The following ZFYVE28 variants were observed in gnomAD, a reference collection of about 807,000 sequenced individuals.
The protein encoded by ZFYVE28 is lateral signaling target protein 2 homolog.
A neutral mutation model predicts 82.1 loss-of-function variants in ZFYVE28; 40 were observed. The observed-to-expected ratio is 0.49, with a 90% CI of 0.38 to 0.63. The LOEUF (loss-of-function observed/expected upper bound fraction) is 0.63. ZFYVE28 is among the 30% of genes least tolerant of loss of function. ZFYVE28 has a pLI of 0.00. For missense variants in ZFYVE28, 1,321 were observed against 1,242.1 expected, an observed-to-expected ratio of 1.06 and a Z score of -0.96; for synonymous variants, 612 against 546.1, an observed-to-expected ratio of 1.12 and a Z score of -1.68.
chr4:2,338,554 C>A (rs7668325), intron 4 of ZFYVE28, among the ~76,000 whole-genome samples: 1 of 151,760 alleles, frequency 6.6e-6, no homozygotes, highest in Non-Finnish European at 1.5e-5. Flanking sequence ...GATCGTGCCA[C>A]TGCACTCCAG....
chr4:2,337,580 A>C, intron 4 of ZFYVE28, 84 bp from the exon 5 acceptor site: 4 of 1,111,240 alleles, frequency 3.6e-6, no homozygotes, highest in African/African-American at 1.6e-5. Flanking sequence ...TCTTCAATTA[A>C]AGCTGCAATG....
intron 1 of ZFYVE28, among the ~76,000 whole-genome samples, chr4:2,374,587 C>T (rs1727913645): frequency 6.6e-6 from 1 of 152,152 alleles, no homozygotes; most frequent in African/African-American, 2.4e-5. Context: ...GCACTCCAGC[C>T]TGGGCGACAG....
At chr4:2,380,909 G>A (rs1220618077) in intron 1 of ZFYVE28, among the ~76,000 whole-genome samples, 2 of 152,192 alleles carry the variant, frequency 1.3e-5, no homozygotes, top group Non-Finnish European at 2.9e-5. Flanking sequence ...TCAGCAGGGT[G>A]AAAATGGACT....
Position 2,417,434 on chromosome 4 carries a change from G to A in ZFYVE28, c.39+851C>T, listed in dbSNP as rs1288560827. Among the ~76,000 whole-genome samples, 2 of 150,388 alleles carry A rather than the reference G, an allele frequency of 1.3e-5. No homozygotes were observed. The highest frequency in any genetic ancestry group is 3.0e-5 in the Non-Finnish European group (2 of 67,438). ...CGCCCGCAGTGCGACTGGCGCAGCC[G>A]CTGAGGCACGGGGCGCGCCGCCCGG... is the stretch of plus-strand genomic sequence containing the variant. On this transcript the variant is annotated intron_variant, in intron 1 of 12. Coordinates refer to ENST00000290974, the MANE Select transcript of ZFYVE28 (RefSeq NM_020972.3). This position sits in a 1 kb window ranked among gnomAD's most constrained non-coding sequence, Gnocchi z 4.8.
At position 2,270,239 on chromosome 4, in the gene ZFYVE28, G is replaced by A. The variant is rs992879231; in HGVS notation, c.*486C>T. 6 of 168,316 alleles carry A rather than the reference G, an allele frequency of 3.6e-5. No individual in the cohort carries two copies. The highest frequency in any genetic ancestry group is 6.4e-5 in the Non-Finnish European group (5 of 77,780). 10.4% of individuals were successfully genotyped at this position (168,316 alleles called of 1,614,324 possible). ...CTGGGGAACGAGGTGGGCAGCTGATGGGGAGAATGGGTAGCCTGCATTTGA... is the reference window on the plus strand; with the variant it reads ...CTGGGGAACGAGGTGGGCAGCTGATAGGGAGAATGGGTAGCCTGCATTTGA... On this transcript the variant is annotated 3_prime_UTR_variant, in exon 13 of 13. Coordinates refer to ENST00000290974, the MANE Select transcript of ZFYVE28 (RefSeq NM_020972.3).
In ZFYVE28 at chr4:2,418,285, C is replaced by T. The variant is rs961092566; in HGVS notation, c.39G>A (p.Lys13=). The T allele has an allele frequency of 1.3e-6, 2 of 1,537,142 alleles. No individual in the cohort carries two copies. Among genetic ancestry groups the T allele is most frequent in the Non-Finnish European group, 1.8e-6 (2 of 1,141,078 alleles). ...GTCCGGCCCGAGCGGGGCCGCTCAC[C>T]TTGGGTTTGTAGAGCCACTTTCGGA... is the stretch of plus-strand genomic sequence containing the variant. ...NRFRKWLYKP[K]RSDPQLLARF... is the part of the protein sequence containing the mutation. Residue 13 remains lysine, a splice_region_variant and synonymous_variant, in exon 1 of 13, where the codon AAG becomes AAA. Coordinates refer to ENST00000290974, the MANE Select transcript of ZFYVE28 (RefSeq NM_020972.3). The surrounding 1 kb of genome is among the most constrained non-coding windows in gnomAD (Gnocchi z 4.6).
chr4:2,312,495 G>A (rs140812810), intron 7 of ZFYVE28, among the ~76,000 whole-genome samples: 2,006 of 151,906 alleles, frequency 0.013, 34 homozygotes, highest in African/African-American at 0.038. Flanking sequence ...TTGGGAGGCC[G>A]AGGCAGGTGG....
At chr4:2,323,290 T>C (rs1360700053) in intron 6 of ZFYVE28, among the ~76,000 whole-genome samples, 1 of 152,206 alleles carries the variant, frequency 6.6e-6, no homozygotes, top group African/African-American at 2.4e-5. Context: ...TGCATTTCCT[T>C]AGTAACCAAC....
Position 2,418,194 on chromosome 4 carries a change from A to C in ZFYVE28, c.39+91T>G. On this transcript the variant is annotated intron_variant, in intron 1 of 12. Coordinates refer to ENST00000290974, the MANE Select transcript of ZFYVE28 (RefSeq NM_020972.3). The surrounding 1 kb of genome is among the most constrained non-coding windows in gnomAD (Gnocchi z 4.6). Reference sequence around the variant, plus strand: ...GGAAGAGGCCGGCCACGGACAGGGAAAGGGAGTCCGTCTTGTAGGGCGGAC... The same window carrying C: ...GGAAGAGGCCGGCCACGGACAGGGACAGGGAGTCCGTCTTGTAGGGCGGAC... 7.8e-7 allele frequency: 1 copy of C among 1,278,004 alleles called. No individual in the cohort carries two copies. The allele number at this position is 1,278,004 out of a possible 1,614,324, so 79.2% of individuals were successfully genotyped here. A position where few individuals can be genotyped will look rare whatever the true frequency, so the allele number is the denominator to read the frequency against.
At chr4:2,274,689 G>A (rs1577852795) in intron 8 of ZFYVE28, among the ~76,000 whole-genome samples, 1 of 152,200 alleles carries the variant, frequency 6.6e-6, no homozygotes, top group Admixed American at 6.5e-5. Flanking sequence ...ATTAAGTGAA[G>A]CATCTGGAGA....
chr4:2,357,721 G>GC (rs1331408578), intron 1 of ZFYVE28, among the ~76,000 whole-genome samples: 1 of 152,180 alleles, frequency 6.6e-6, no homozygotes, highest in African/African-American at 2.4e-5. Flanking sequence ...ACACCATCTG[G>GC]CCCAGCAAAC....
At chr4:2,354,153 C>T in intron 1 of ZFYVE28, 80 bp from the exon 2 acceptor site, 1 of 1,360,124 alleles carries the variant, frequency 7.4e-7, no homozygotes, top group South Asian at 1.7e-5. Context: ...GTCCCCAGGC[C>T]ATGTGTGGGC....
chr4:2,323,790 G>A (rs552737522), intron 6 of ZFYVE28, among the ~76,000 whole-genome samples: 27 of 147,114 alleles, frequency 1.8e-4, no homozygotes, highest in Non-Finnish European at 2.7e-4. Flanking sequence ...GAGAATATGC[G>A]GTGTTTGGTT....
rs1254575061 is a variant in ZFYVE28 at position 2,304,479 on chromosome 4, A to G, written c.1861T>C (p.Ser621Pro). The change falls in exon 8 of 13, where the codon TCC becomes CCC. Residue 621 changes from serine (S) to proline (P), a missense_variant. This residue lies in a region of ZFYVE28 where 978 missense variants were observed against 833.7 expected (regional missense o/e 1.17). Transcript: ENST00000290974. ...EEAPPPSEDA[S>P]NGREPKAPTS... Reference sequence around the variant, plus strand: ...GGGGCTTTGGGCTCCCGCCCGTTGGAGGCATCTTCTGAGGGTGGGGGCGCC... The same window carrying G: ...GGGGCTTTGGGCTCCCGCCCGTTGGGGGCATCTTCTGAGGGTGGGGGCGCC... 1 of 1,613,166 alleles carries G rather than the reference A, an allele frequency of 6.2e-7. No individual in the cohort carries two copies. Among genetic ancestry groups the G allele is most frequent in the South Asian group, 1.1e-5 (1 of 91,060 alleles).
chr4:2,364,593 T>G, intron 1 of ZFYVE28: 1 of 985,520 alleles, frequency 1.0e-6, no homozygotes. Flanking sequence ...GACGCCCGGG[T>G]GGGCTCCAGG....
chr4:2,294,939 G>T lies in ZFYVE28; in HGVS notation c.2051+9350C>A, dbSNP rs1714306209. On this transcript the variant is annotated intron_variant, in intron 8 of 12. Coordinates refer to ENST00000290974, the MANE Select transcript of ZFYVE28 (RefSeq NM_020972.3). Reference sequence around the variant, plus strand: ...AAGGCCAGCCTGGGCAACATAGCGAGACCCTGTCTCTAAAAAATTACTTAA... The same window carrying T: ...AAGGCCAGCCTGGGCAACATAGCGATACCCTGTCTCTAAAAAATTACTTAA... Among the ~76,000 whole-genome samples, 8 of 149,064 alleles carry T rather than the reference G, an allele frequency of 5.4e-5. 1 individual carries two copies. In the Middle Eastern group the frequency reaches 0.02, roughly 380 times the overall value.
chr4:2,417,895 G>C lies in ZFYVE28; in HGVS notation c.39+390C>G, dbSNP rs1264311301. Among the ~76,000 whole-genome samples, 1 of 151,866 alleles carries C rather than the reference G, an allele frequency of 6.6e-6. No individual in the cohort carries two copies. The highest frequency in any genetic ancestry group is 1.5e-5 in the Non-Finnish European group (1 of 67,934). On this transcript the variant is annotated intron_variant, in intron 1 of 12. Coordinates refer to ENST00000290974, the MANE Select transcript of ZFYVE28 (RefSeq NM_020972.3). This position sits in a 1 kb window ranked among gnomAD's most constrained non-coding sequence, Gnocchi z 4.8. The stretch of plus-strand genomic sequence containing the variant: ...ATTCCTGGTGCAGGGAGGGGAGACG[G>C]AGAAGTAGTAGGGGGTCTGCTCCGG...
In ZFYVE28 at chr4:2,329,199, C is replaced by T. The variant is rs186928603; in HGVS notation, c.701+6506G>A. On this transcript the variant is annotated intron_variant, in intron 6 of 12. Transcript: ENST00000290974. The stretch of plus-strand genomic sequence containing the variant: ...CAGCAATTGCACAGAATCTGTAGAT[C>T]ACTTTATGGAGTATTGCCATTCTAA... The T allele has an allele frequency of 2.4e-5, 16 of 662,216 alleles. No homozygotes were observed. The African/African-American group carries it at 2.8e-4, about 12-fold the overall frequency. The allele number at this position is 662,216 out of a possible 1,614,324, so 41.0% of individuals were successfully genotyped here.
chr4:2,366,904 C>G (rs542619390), intron 1 of ZFYVE28, among the ~76,000 whole-genome samples: 10 of 152,214 alleles, frequency 6.6e-5, no homozygotes, highest in Non-Finnish European at 1.3e-4. Flanking sequence ...TGGCCTTGAC[C>G]GTGGCATTTG....
Sources: allele counts gnomAD v4.1 joint callset (sites outside exome capture counted in the v4.1 genomes callset), GRCh38; gene constraint gnomAD v4.1.1; regional missense constraint gnomAD v4.1.1; non-coding constraint Gnocchi (gnomAD v3.1); transcripts MANE v1.5; gene names NCBI Gene and HGNC (gene_info 2026-07-23, HGNC 2026-07-21).